CPQ: variants seen among roughly 807,000 people sequenced by gnomAD.
CPQ encodes Ser-Met dipeptidase.
Under a neutral mutation model 45.7 loss-of-function variants are expected in CPQ, and 37 were observed. The ratio of observed to expected loss-of-function variants is 0.81; its 90% confidence interval spans 0.62 to 1.07. CPQ has a LOEUF of 1.07. Among genes scored for constraint, CPQ ranks in the 50% least tolerant of loss-of-function variants. The pLI, the probability that CPQ is intolerant of heterozygous loss-of-function variation, is 0.00. For synonymous variants in CPQ, 186 were observed against 205.8 expected, an observed-to-expected ratio of 0.90 and a Z score of 0.82; for missense variants, 537 against 572.9, an observed-to-expected ratio of 0.94 and a Z score of 0.64.
At chr8:96,768,897 C>G (rs1163970812) in intron 1 of CPQ, among the ~76,000 whole-genome samples, 2 of 152,150 alleles carry the variant, frequency 1.3e-5, no homozygotes, top group African/African-American at 2.4e-5. Context: ...GAGTATTCCT[C>G]AGAACTTGTT....
intron 1 of CPQ, among the ~76,000 whole-genome samples, chr8:96,706,874 A>C (rs1029555630): frequency 6.6e-6 from 1 of 152,128 alleles, no homozygotes; most frequent in African/African-American, 2.4e-5. Context: ...TTACAACCAT[A>C]ATCTTCTAGA....
intron 7 of CPQ, among the ~76,000 whole-genome samples, chr8:97,136,924 G>A (rs1812071020): frequency 6.6e-6 from 1 of 151,876 alleles, no homozygotes; most frequent in Admixed American, 6.6e-5. Context: ...GGTGCTCTCA[G>A]AAATGGAAGT....
chr8:96,793,396 C>T (rs1221471418), intron 2 of CPQ, among the ~76,000 whole-genome samples: 1 of 151,942 alleles, frequency 6.6e-6, no homozygotes. Context: ...AGAGCTTGTG[C>T]AGGGAACTCC....
At chr8:96,739,676 A>G (rs1233719183) in intron 1 of CPQ, among the ~76,000 whole-genome samples, 1 of 149,136 alleles carries the variant, frequency 6.7e-6, no homozygotes, top group African/African-American at 2.5e-5. Context: ...AGCTTTCTAC[A>G]TATGGCTAGC....
At chr8:97,028,952 A>C (rs1331558992) in intron 5 of CPQ, among the ~76,000 whole-genome samples, 1 of 152,222 alleles carries the variant, frequency 6.6e-6, no homozygotes, top group Non-Finnish European at 1.5e-5. Context: ...CTATGCTTGT[A>C]TATTCAGACT....
At chr8:96,988,281 T>G (rs761314538) in intron 5 of CPQ, among the ~76,000 whole-genome samples, 43 of 152,234 alleles carry the variant, frequency 2.8e-4, no homozygotes, top group Non-Finnish European at 6.3e-4. Flanking sequence ...ATTTAACTTT[T>G]TAATAAATCG....
intron 1 of CPQ, among the ~76,000 whole-genome samples, chr8:96,735,164 G>A (rs1463498927): frequency 1.3e-5 from 2 of 152,056 alleles, no homozygotes; most frequent in African/African-American, 4.8e-5. Flanking sequence ...GATTATTTGT[G>A]TAATTTTAGT....
At chr8:97,060,970 A>G (rs1026905001) in intron 6 of CPQ, among the ~76,000 whole-genome samples, 16 of 152,216 alleles carry the variant, frequency 1.1e-4, no homozygotes, top group Middle Eastern at 3.2e-3. Context: ...TAATGACTCC[A>G]TAAATGTAGA....
rs186698824 is a variant in CPQ, at chr8:96,677,911, A to G, written c.-35+32509A>G. The stretch of plus-strand genomic sequence containing the variant: ...GTGACTTGCCAGTTTTCTCAGCACC[A>G]TTTGTTGAATAGGGTGCCCTTTCCT... On this transcript the variant is annotated intron_variant, in intron 1 of 7. Coordinates refer to ENST00000220763, the MANE Select transcript of CPQ (RefSeq NM_016134.4). Among the ~76,000 whole-genome samples, 137 of 152,268 alleles carry G rather than the reference A, an allele frequency of 9.0e-4. 1 individual carries two copies. The highest frequency in any genetic ancestry group is 3.2e-3 in the African/African-American group (134 of 41,568).
At chr8:96,694,088 C>A (rs1375722004) in intron 1 of CPQ, among the ~76,000 whole-genome samples, 7 of 151,656 alleles carry the variant, frequency 4.6e-5, no homozygotes, top group Non-Finnish European at 7.4e-5. Context: ...CTCATGGTAA[C>A]CTCAAATCAA....
chr8:96,711,760 G>A (rs142769573), intron 1 of CPQ, among the ~76,000 whole-genome samples: 6 of 152,140 alleles, frequency 3.9e-5, no homozygotes, highest in Non-Finnish European at 7.4e-5. Context: ...ACTATAACTC[G>A]GGATTTGTGT....
intron 6 of CPQ, among the ~76,000 whole-genome samples, chr8:97,054,964 A>G (rs1307807132): frequency 6.6e-6 from 1 of 152,198 alleles, no homozygotes; most frequent in African/African-American, 2.4e-5. Flanking sequence ...GGGGAAGTCT[A>G]CAGATAGCCA....
At chr8:96,808,406 C>T (rs1208010307) in intron 2 of CPQ, among the ~76,000 whole-genome samples, 1 of 152,112 alleles carries the variant, frequency 6.6e-6, no homozygotes, top group African/African-American at 2.4e-5. Flanking sequence ...AAAGTCCCCT[C>T]GTCCTTGTCA....
chr8:97,063,725 C>T (rs990693080), intron 6 of CPQ, among the ~76,000 whole-genome samples: 15 of 151,888 alleles, frequency 9.9e-5, no homozygotes, highest in Admixed American at 8.5e-4. Flanking sequence ...AATGGGGAAC[C>T]GTTTCCCCAT....
chr8:96,690,379 G>C (rs896259594), intron 1 of CPQ, among the ~76,000 whole-genome samples: 5 of 152,056 alleles, frequency 3.3e-5, no homozygotes, highest in Non-Finnish European at 5.9e-5. Context: ...ATGATTTAAT[G>C]AGTATTTTTT....
intron 6 of CPQ, among the ~76,000 whole-genome samples, chr8:97,036,792 A>G (rs1253325456): frequency 6.6e-6 from 1 of 152,268 alleles, no homozygotes; most frequent in African/African-American, 2.4e-5. Flanking sequence ...AAGCCTCATT[A>G]CACAAGGTAA....
At chr8:96,926,578 C>CTTCTTCTTCTTCTTCTTA (rs1812884961) in intron 4 of CPQ, among the ~76,000 whole-genome samples, 1 of 102,572 alleles carries the variant, frequency 9.7e-6, no homozygotes, top group African/African-American at 3.5e-5. Flanking sequence ...TCCTCTTCCT[C>CTTCTTCTTCTTCTTCTTA]TTCTTCTTCT....
At chr8:97,135,977 C>T (rs1157996379) in intron 7 of CPQ, among the ~76,000 whole-genome samples, 3 of 152,152 alleles carry the variant, frequency 2.0e-5, no homozygotes, top group African/African-American at 7.2e-5. Flanking sequence ...TGTATGTGCC[C>T]ACCCATCTCT....
chr8:96,722,709 C>G (rs1190410821), intron 1 of CPQ, among the ~76,000 whole-genome samples: 2 of 152,174 alleles, frequency 1.3e-5, no homozygotes, highest in Non-Finnish European at 2.9e-5. Context: ...AGATTTATTT[C>G]TCTCTCATGC....
Sources: gnomAD v4.1 joint callset for allele counts (sites outside exome capture counted in the v4.1 genomes callset) on GRCh38, gnomAD v4.1.1 for gene constraint, MANE v1.5 for transcripts, NCBI Gene and HGNC (gene_info 2026-07-23, HGNC 2026-07-21) for gene names.